AGTPBP1: variants seen among roughly 807,000 people sequenced by gnomAD.
AGTPBP1 encodes cytosolic carboxypeptidase 1.
AGTPBP1 carries 70 observed loss-of-function variants against 143.9 expected under a neutral mutation model. That is an observed-to-expected ratio of 0.49 (90% confidence interval 0.40 to 0.59). AGTPBP1 has a LOEUF of 0.59. Among genes scored for constraint, AGTPBP1 ranks in the 20% least tolerant of loss-of-function variants. AGTPBP1 has a pLI of 0.00. For synonymous variants in AGTPBP1, 463 were observed against 500.2 expected, an observed-to-expected ratio of 0.93 and a Z score of 0.99; for missense variants, 1,229 against 1,464.5, an observed-to-expected ratio of 0.84 and a Z score of 2.62.
chr9:85,608,165 T>C (rs918941), intron 17 of AGTPBP1, among the ~76,000 whole-genome samples: 41,949 of 152,018 alleles, frequency 0.28, 8,458 homozygotes, highest in African/African-American at 0.55. Flanking sequence ...ACAACAGAAT[T>C]GGGGTTGAAA....
At chr9:85,781,354 G>C in the AGTPBP1 span, 2 of 1,560,216 alleles carry the variant, frequency 1.3e-6, no homozygotes, top group Non-Finnish European at 1.7e-6. Flanking sequence ...GCGGCAACTA[G>C]CATCATCAGA....
chr9:85,756,340 A>G, the AGTPBP1 span: 3 of 1,362,054 alleles, frequency 2.2e-6, no homozygotes, highest in Non-Finnish European at 2.9e-6. Flanking sequence ...CATAATAAGA[A>G]ATGTGTGGGA....
chr9:85,563,841 C>T (rs958173990), intron 25 of AGTPBP1, among the ~76,000 whole-genome samples: 2 of 152,224 alleles, frequency 1.3e-5, no homozygotes, highest in East Asian at 3.9e-4. Context: ...ACTCCACTCC[C>T]TGCAGTCTGG....
chr9:85,701,993 G>GC (rs1836696772), intron 2 of AGTPBP1, among the ~76,000 whole-genome samples: 2 of 152,160 alleles, frequency 1.3e-5, no homozygotes, highest in Middle Eastern at 3.4e-3. Flanking sequence ...GATTCTTTTT[G>GC]CCCCATATAA....
At chr9:85,697,852 C>G (rs1320364840) in intron 2 of AGTPBP1, among the ~76,000 whole-genome samples, 1 of 152,086 alleles carries the variant, frequency 6.6e-6, no homozygotes, top group Non-Finnish European at 1.5e-5. Flanking sequence ...GTTCTAAAGC[C>G]AAAAAGTTTG....
At chr9:85,786,385 G>A in the AGTPBP1 span, 1 of 1,614,096 alleles carries the variant, frequency 6.2e-7, no homozygotes, top group East Asian at 2.2e-5. Flanking sequence ...TCAGTCGACT[G>A]TCATCCCAAA....
At chr9:85,725,855 G>C (rs573090028) in intron 1 of AGTPBP1, among the ~76,000 whole-genome samples, 1 of 151,864 alleles carries the variant, frequency 6.6e-6, no homozygotes, top group African/African-American at 2.4e-5. Context: ...AGACCAGCCT[G>C]GCCAACATGG....
intron 17 of AGTPBP1, among the ~76,000 whole-genome samples, chr9:85,607,194 A>AT (rs1467951763): frequency 6.6e-6 from 1 of 152,066 alleles, no homozygotes; most frequent in African/African-American, 2.4e-5. Flanking sequence ...TTATGTATCA[A>AT]TTTTTAAAAG....
At chr9:85,592,260 T>G (rs1212215999) in intron 19 of AGTPBP1, among the ~76,000 whole-genome samples, 1 of 152,018 alleles carries the variant, frequency 6.6e-6, no homozygotes, top group African/African-American at 2.4e-5. Context: ...CAAAGTTTCT[T>G]AATATTTCTA....
the AGTPBP1 span, among the ~76,000 whole-genome samples, chr9:85,776,538 C>T: frequency 2.6e-5 from 4 of 152,220 alleles, no homozygotes; most frequent in South Asian, 2.1e-4. Flanking sequence ...TAATACTAAG[C>T]GACACCCTAA....
chr9:85,794,093 G>A, the AGTPBP1 span, among the ~76,000 whole-genome samples: 1 of 152,116 alleles, frequency 6.6e-6, no homozygotes, highest in Non-Finnish European at 1.5e-5. Context: ...TAGAAAATTA[G>A]GGGTGCTTTT....
chr9:85,670,713 T>TA (rs1406036027), intron 7 of AGTPBP1, among the ~76,000 whole-genome samples: 1 of 152,154 alleles, frequency 6.6e-6, no homozygotes, highest in African/African-American at 2.4e-5. Flanking sequence ...GAAAATCGTT[T>TA]AATAAACAAT....
At position 85,639,319 on chromosome 9, in the gene AGTPBP1, T is replaced by G. The variant is rs566949917; in HGVS notation, c.1302+3508A>C. 3.3e-5 allele frequency among the ~76,000 whole-genome samples: 5 copies of G among 152,036 alleles called. No individual in the cohort carries two copies. In the South Asian group the frequency reaches 1.0e-3, roughly 32 times the overall value. ...ACAGTAATTATAGGAGGAAAATTTATAGCCTATCTATGCATGCATACATAC... is the reference window on the plus strand; with the variant it reads ...ACAGTAATTATAGGAGGAAAATTTAGAGCCTATCTATGCATGCATACATAC... On this transcript the variant is annotated intron_variant, in intron 13 of 25. Transcript: ENST00000357081.
At position 85,687,499 on chromosome 9, in the gene AGTPBP1, T is replaced by C. The variant is rs571766842; in HGVS notation, c.157+5190A>G. ...AACAAGTCTCAAGCAATTCCAAGGA[T>C]TGAAATCAATCAAAGTATATTCTCC... On this transcript the variant is annotated intron_variant, in intron 3 of 25. Transcript: ENST00000357081. Among the ~76,000 whole-genome samples the C allele has an allele frequency of 7.2e-5, 11 of 152,108 alleles. No individual in the cohort carries two copies. In the South Asian group the frequency reaches 2.3e-3, roughly 32 times the overall value.
chr9:85,632,531 C>T, intron 14 of AGTPBP1, 131 bp downstream of exon 14: 1 of 818,618 alleles, frequency 1.2e-6, no homozygotes, highest in Non-Finnish European at 1.8e-6. Context: ...ATTTCCAAAG[C>T]AGAATTTAAA....
chr9:85,688,893 A>G (rs938750199), intron 3 of AGTPBP1, among the ~76,000 whole-genome samples: 12 of 152,188 alleles, frequency 7.9e-5, no homozygotes, highest in Non-Finnish European at 1.8e-4. Context: ...TATTCCATCA[A>G]TATAGCTACT....
At chr9:85,657,688 G>C in intron 9 of AGTPBP1, 45 bp from the exon 10 acceptor site, 1 of 1,419,038 alleles carries the variant, frequency 7.0e-7, no homozygotes, top group Non-Finnish European at 9.7e-7. Flanking sequence ...TAAATGACGA[G>C]AGTGAGTGGT....
intron 17 of AGTPBP1, among the ~76,000 whole-genome samples, chr9:85,617,323 C>T (rs1251274614): frequency 6.6e-6 from 1 of 152,102 alleles, no homozygotes; most frequent in Non-Finnish European, 1.5e-5. Context: ...GATTTTGTAA[C>T]TTGTCACACA....
the AGTPBP1 span, among the ~76,000 whole-genome samples, chr9:85,786,977 A>G: frequency 6.6e-6 from 1 of 152,190 alleles, no homozygotes; most frequent in Non-Finnish European, 1.5e-5. Flanking sequence ...ATTCTCAAAT[A>G]CAAGTATATT....
Sources: allele counts gnomAD v4.1 joint callset (sites outside exome capture counted in the v4.1 genomes callset), GRCh38; gene constraint gnomAD v4.1.1; transcripts MANE v1.5; gene names NCBI Gene and HGNC (gene_info 2026-07-23, HGNC 2026-07-21).